The following CELSR1 variants were observed in gnomAD, a reference collection of about 807,000 sequenced individuals.
CELSR1 encodes adhesion G protein-coupled receptor C1.
CELSR1 carries 110 observed loss-of-function variants against 249.1 expected under a neutral mutation model. The observed-to-expected ratio is 0.44, with a 90% CI of 0.38 to 0.52. CELSR1 has a LOEUF of 0.52. Among genes scored for constraint, CELSR1 ranks in the 20% least tolerant of loss-of-function variants. The pLI, the probability that CELSR1 is intolerant of heterozygous loss-of-function variation, is 0.00. For synonymous variants in CELSR1, 2,113 were observed against 1,900.0 expected (o/e 1.11, Z -2.92); for missense variants, 4,109 against 4,296.4 (o/e 0.96, Z 1.22).
intron 24 of CELSR1, 72 bp downstream of exon 24, chr22:46,376,989 G>T: frequency 6.6e-7 from 1 of 1,515,324 alleles, no homozygotes; most frequent in Non-Finnish European, 9.0e-7. Flanking sequence ...GCTTGGAGTG[G>T]CCAGGACAGG....
chr22:46,526,825 C>T lies in CELSR1; in HGVS notation c.3544+6802G>A, dbSNP rs1206477906. ...TGTCCATAACCTGAGCTGGTCTCCC[C>T]AGTCTGGACCTGCACACACAATCAA... is the stretch of plus-strand genomic sequence containing the variant. On this transcript the variant is annotated intron_variant, in intron 1 of 34. Transcript: ENST00000674500. The surrounding 1 kb of genome is among the most constrained non-coding windows in gnomAD (Gnocchi z 4.7). Among the ~76,000 whole-genome samples the T allele has an allele frequency of 1.3e-5, 2 of 152,222 alleles. No homozygotes were observed. The highest frequency in any genetic ancestry group is 2.9e-5 in the Non-Finnish European group (2 of 68,048).
chr22:46,438,954 T>C (rs1004800509), intron 3 of CELSR1, among the ~76,000 whole-genome samples: 6 of 152,232 alleles, frequency 3.9e-5, no homozygotes, highest in Admixed American at 1.3e-4. Context: ...GATGGGGTTT[T>C]GCCATGTTGA....
chr22:46,372,984 C>T lies in CELSR1; in HGVS notation c.7658G>A (p.Ser2553Asn). Residue 2553 changes from serine to asparagine, a missense_variant, in exon 25 of 35, where the codon AGC (serine) becomes AAC (asparagine). Transcript: ENST00000674500. The part of the protein sequence containing the change: ...MSTFAWTLVE[S>N]LHVYRMLTEV... ...GGTCAGCATGCGGTAGACATGCAGG[C>T]TCTCCACGAGGGTCCAGGCAAAGGT... is the stretch of plus-strand genomic sequence containing the variant. The T allele has an allele frequency of 1.2e-6, 2 of 1,613,312 alleles. No individual in the cohort carries two copies. The highest frequency in any genetic ancestry group is 2.7e-5 in the African/African-American group (2 of 75,058).
At chr22:46,487,014 C>G (rs1034733770) in intron 1 of CELSR1, among the ~76,000 whole-genome samples, 2 of 146,684 alleles carry the variant, frequency 1.4e-5, no homozygotes, top group African/African-American at 5.2e-5. Flanking sequence ...TGCTCCCGCC[C>G]CCTGCCCCCT....
In CELSR1 at chr22:46,448,307, C is replaced by A. The variant is rs562963700; in HGVS notation, c.4184-8896G>T. Among the ~76,000 whole-genome samples, 2 of 152,202 alleles carry A rather than the reference C, an allele frequency of 1.3e-5. No homozygotes were observed. Among genetic ancestry groups the A allele is most frequent in the African/African-American group, 4.8e-5 (2 of 41,534 alleles). On this transcript the variant is annotated intron_variant, in intron 2 of 34. Transcript: ENST00000674500. The surrounding 1 kb of genome is among the most constrained non-coding windows in gnomAD (Gnocchi z 5.7). ...TGGGGGTGGGGGCAGAGGGCCCACG[C>A]GAGGGGATGCTGATGTGAACCCCTG...
At chr22:46,438,409 C>G (rs1179636042) in intron 3 of CELSR1, among the ~76,000 whole-genome samples, 3 of 152,178 alleles carry the variant, frequency 2.0e-5, no homozygotes, top group Non-Finnish European at 2.9e-5. Context: ...GAGGGCCCTG[C>G]CCACAGCCCC....
chr22:46,455,031 A>G (rs1309144688), intron 2 of CELSR1, among the ~76,000 whole-genome samples: 1 of 152,226 alleles, frequency 6.6e-6, no homozygotes, highest in Non-Finnish European at 1.5e-5. Flanking sequence ...GGACAGAGAC[A>G]GACGTGCACG....
rs917164967 is a variant in CELSR1, at chr22:46,409,678, G to C, written c.5059+77C>G. ...GGACCTGGATGTGAAGCCCCCTCAC[G>C]GTGGTCCCGGGCACATCAAGGAGCA... On this transcript the variant is annotated intron_variant, in intron 8 of 34. Transcript: ENST00000674500. The surrounding 1 kb of genome is among the most constrained non-coding windows in gnomAD (Gnocchi z 9.8). The C allele has an allele frequency of 1.3e-6, 2 of 1,572,148 alleles. No individual in the cohort carries two copies. The highest frequency in any genetic ancestry group is 1.7e-5 in the Admixed American group (1 of 59,562).
At position 46,534,382 on chromosome 22, in the gene CELSR1, G is replaced by T. The variant is rs772958746; in HGVS notation, c.2789C>A (p.Thr930Asn). 5 of 1,612,882 alleles carry T rather than the reference G, an allele frequency of 3.1e-6. No homozygotes were observed. In the South Asian group the frequency reaches 3.3e-5, roughly 11 times the overall value. ...ATCGCCGTCGTCCCCACCCTGGAAG[G>T]TGTACAGCAGACGCCCATTGGGACC... is the stretch of plus-strand genomic sequence containing the variant. ...DSGPNGRLLYTFQGGDDGDGD... is the reference protein window; with the variant it reads ...DSGPNGRLLYNFQGGDDGDGD... The change falls in exon 1 of 35, where the codon ACC becomes AAC. Residue 930 changes from threonine to asparagine, a missense_variant. Thr to Asn is a moderately conservative substitution (Grantham distance 65). This residue lies in a region of CELSR1 where 886 missense variants were observed against 896.5 expected (regional missense o/e 0.99). Coordinates refer to ENST00000674500, the MANE Select transcript of CELSR1 (RefSeq NM_001378328.1). The surrounding 1 kb of genome is among the most constrained non-coding windows in gnomAD (Gnocchi z 9.7).
rs1226206445 is a variant in CELSR1, at chr22:46,500,797, G to C, written c.3544+32830C>G. On this transcript the variant is annotated intron_variant, in intron 1 of 34. Coordinates refer to ENST00000674500, the MANE Select transcript of CELSR1 (RefSeq NM_001378328.1). The surrounding 1 kb of genome is among the most constrained non-coding windows in gnomAD (Gnocchi z 4.9). The stretch of plus-strand genomic sequence containing the variant: ...ACAACTGGAGCTGCCCGGGAGGCCA[G>C]CAGCAGGTCAGGCCACTACATTGCG... 6.6e-6 allele frequency among the ~76,000 whole-genome samples: 1 copy of C among 152,140 alleles called. No individual in the cohort carries two copies. Among genetic ancestry groups the C allele is most frequent in the Non-Finnish European group, 1.5e-5 (1 of 68,018 alleles).
chr22:46,439,086 C>A (rs1050204705), intron 3 of CELSR1, 103 bp downstream of exon 3: 125 of 1,133,154 alleles, frequency 1.1e-4, no homozygotes, highest in Middle Eastern at 9.3e-4. Context: ...AAAGGCCACA[C>A]ACGGAGGACA....
In CELSR1 at chr22:46,437,828, G is replaced by A. The variant is rs1309846199; in HGVS notation, c.4406+1361C>T. ...CTTTAGAATGCAAGCAAGAAATGAC[G>A]ACAAACACAAAGAAGAATACCCACA... On this transcript the variant is annotated intron_variant, in intron 3 of 34. Transcript: ENST00000674500. This position sits in a 1 kb window ranked among gnomAD's most constrained non-coding sequence, Gnocchi z 4.9. Among the ~76,000 whole-genome samples the A allele has an allele frequency of 5.9e-5, 9 of 151,904 alleles. No individual in the cohort carries two copies. Among genetic ancestry groups the A allele is most frequent in the Admixed American group, 3.9e-4 (6 of 15,252 alleles).
In CELSR1 at chr22:46,536,930, C is replaced by G. The variant is rs1319693994; in HGVS notation, c.241G>C (p.Gly81Arg). The G allele has an allele frequency of 7.7e-6, 9 of 1,165,174 alleles. No homozygotes were observed. In the Admixed American group the frequency reaches 1.9e-4, roughly 24 times the overall value. 72.2% of individuals were successfully genotyped at this position (1,165,174 alleles called of 1,614,324 possible). A position where few individuals can be genotyped will look rare whatever the true frequency, so the allele number is the denominator to read the frequency against. The change falls in exon 1 of 35, where the codon GGC becomes CGC. Residue 81 changes from glycine (G) to arginine (R), a missense_variant. Coordinates refer to ENST00000674500, the MANE Select transcript of CELSR1 (RefSeq NM_001378328.1). ...TGCAGCGGCAGCGGGCGCCCCGCGC[C>G]CGAGACGCGCCGACGTCCTGCCAGC... is the stretch of plus-strand genomic sequence containing the variant. ...GRLAGRRRVS[G>R]AGRPLPLQVR... is the part of the protein sequence containing the mutation.
At chr22:46,524,486 G>A (rs973323335) in intron 1 of CELSR1, among the ~76,000 whole-genome samples, 2 of 152,118 alleles carry the variant, frequency 1.3e-5, no homozygotes, top group African/African-American at 4.8e-5. Flanking sequence ...CGGCTGGAAG[G>A]AAAGGTGTTA....
intron 2 of CELSR1, among the ~76,000 whole-genome samples, chr22:46,442,038 C>T (rs2079756315): frequency 6.6e-6 from 1 of 151,774 alleles, no homozygotes; most frequent in Non-Finnish European, 1.5e-5. Context: ...ATCCCATCTA[C>T]TCGGGAGGCT....
intron 2 of CELSR1, among the ~76,000 whole-genome samples, chr22:46,443,273 C>T (rs144984505): frequency 9.2e-5 from 14 of 152,224 alleles, no homozygotes; most frequent in Admixed American, 2.6e-4. Context: ...CCAGAGCTGA[C>T]GCCGGGTCAG....
chr22:46,365,184 C>T, intron 32 of CELSR1, 47 bp downstream of exon 32: 3 of 1,582,468 alleles, frequency 1.9e-6, no homozygotes, highest in Non-Finnish European at 2.6e-6. Flanking sequence ...CTGCCCCGAG[C>T]CCGCTGTCCA....
Position 46,536,205 on chromosome 22 carries a change from C to A in CELSR1, c.966G>T (p.Arg322Ser). The A allele has an allele frequency of 6.2e-7, 1 of 1,612,822 alleles. No homozygotes were observed. Among genetic ancestry groups the A allele is most frequent in the Non-Finnish European group, 8.5e-7 (1 of 1,179,992 alleles). The change falls in exon 1 of 35, where the codon AGG (arginine) becomes AGT (serine). Residue 322 changes from arginine to serine, a missense_variant. Physicochemically the swap from Arg to Ser is moderately radical, Grantham distance 110. Transcript: ENST00000674500. The part of the protein sequence containing the change: ...DRETKETHVL[R>S]VKAVDYSTPP... ...GCGTACTGTAGTCCACGGCTTTCAC[C>A]CTGAGGACGTGCGTCTCCTTGGTCT...
chr22:46,363,020 C>T lies in CELSR1; in HGVS notation c.*203G>A. 3 of 1,110,096 alleles carry T rather than the reference C, an allele frequency of 2.7e-6. No homozygotes were observed. Among genetic ancestry groups the T allele is most frequent in the Non-Finnish European group, 3.9e-6 (3 of 764,222 alleles). The allele number at this position is 1,110,096 out of a possible 1,614,324, so 68.8% of individuals were successfully genotyped here. ...ACCAGGTCTGACAGGCCCTGAGCTCCTGGGAGAACCAAGACCTTTGTGTCT... is the reference window on the plus strand; with the variant it reads ...ACCAGGTCTGACAGGCCCTGAGCTCTTGGGAGAACCAAGACCTTTGTGTCT... On this transcript the variant is annotated 3_prime_UTR_variant, in exon 35 of 35. Transcript: ENST00000674500. The surrounding 1 kb of genome is among the most constrained non-coding windows in gnomAD (Gnocchi z 4.3).
Sources: gnomAD v4.1 joint callset for allele counts (sites outside exome capture counted in the v4.1 genomes callset) on GRCh38, gnomAD v4.1.1 for gene constraint, gnomAD v4.1.1 regional missense constraint, Gnocchi (gnomAD v3.1) non-coding constraint, MANE v1.5 for transcripts, NCBI Gene and HGNC (gene_info 2026-07-23, HGNC 2026-07-21) for gene names.